DOK2: variants seen among roughly 807,000 people sequenced by gnomAD.
The protein encoded by DOK2 is docking protein 2, 56kD.
Under a neutral mutation model 26.0 loss-of-function variants are expected in DOK2, and 28 were observed. The ratio of observed to expected loss-of-function variants is 1.08; its 90% CI spans 0.80 to 1.48. The LOEUF (loss-of-function observed/expected upper bound fraction) is 1.48. Ranked by LOEUF, DOK2 falls within the 40% of genes most tolerant of loss-of-function variation. The pLI, the probability that DOK2 is intolerant of heterozygous loss-of-function variation, is 0.00. For missense variants in DOK2, 682 were observed against 558.2 expected (o/e 1.22, Z -2.23); for synonymous variants, 282 against 236.9 (o/e 1.19, Z -1.75).
chr8:21,912,220 G>GCGACTCA lies in DOK2; in HGVS notation c.345+2_345+8dup. On this transcript the variant is annotated intron_variant, in intron 2 of 4. Coordinates refer to ENST00000276420, the MANE Select transcript of DOK2 (RefSeq NM_003974.4). ...CCCCCTTGCCCTTTCCGCACCCCGC[G>GCGACTCA]CGACTCACGGGGAAGGCCAGGAGGC... 6.5e-7 allele frequency: 1 copy of GCGACTCA among 1,549,776 alleles called. No individual in the cohort carries two copies. Among genetic ancestry groups the GCGACTCA allele is most frequent in the Non-Finnish European group, 8.7e-7 (1 of 1,150,978 alleles).
In DOK2 at chr8:21,909,947, A is replaced by T. The variant is rs1198796744; in HGVS notation, c.619-16T>A. The stretch of plus-strand genomic sequence containing the variant: ...AAAAGGTTACCTGGACCAGGGAGAA[A>T]GCAGGTTATTGGCCAGGCCACAGGG... On this transcript the variant is annotated splice_polypyrimidine_tract_variant and intron_variant, in intron 4 of 4. Transcript: ENST00000276420. 1.9e-6 allele frequency: 3 copies of T among 1,599,538 alleles called. No individual in the cohort carries two copies. In the East Asian group the frequency reaches 6.7e-5, roughly 36 times the overall value.
chr8:21,913,462 G>A, intron 1 of DOK2, 77 bp downstream of exon 1: 1 of 1,571,426 alleles, frequency 6.4e-7, no homozygotes, highest in East Asian at 2.2e-5. Flanking sequence ...TTTTGAATAT[G>A]AAACTCCCTC....
chr8:21,912,579 G>A (rs1468670046), intron 1 of DOK2, 69 bp from the exon 2 acceptor site: 71 of 1,429,776 alleles, frequency 5.0e-5, no homozygotes, highest in Non-Finnish European at 5.3e-5. Flanking sequence ...GTGAGCCAAG[G>A]GGAGAAGAGG....
intron 2 of DOK2, 104 bp downstream of exon 2, chr8:21,912,124 AC>A: frequency 6.8e-7 from 1 of 1,465,136 alleles, no homozygotes; most frequent in South Asian, 1.4e-5. Flanking sequence ...TGGAGGAAGC[AC>A]CCCATCACCC....
chr8:21,911,855 T>TGGGGAGAGCCCCCA (rs1809856714), intron 3 of DOK2, 46 bp downstream of exon 3: 3 of 1,534,380 alleles, frequency 2.0e-6, no homozygotes, highest in Non-Finnish European at 2.6e-6. Context: ...CACCTCACCC[T>TGGGGAGAGCCCCCA]GGGGAGAGCC....
rs376180313 is a variant in DOK2 at position 21,909,710 on chromosome 8, C to T, written c.840G>A (p.Pro280=). 41 of 1,613,152 alleles carry T rather than the reference C, an allele frequency of 2.5e-5. No homozygotes were observed. In the African/African-American group the frequency reaches 4.0e-4, roughly 16 times the overall value. ...PYSRPHDSLP[P]PSPTTPVPAP... ...CAGGCACCGGTGTGGTGGGTGAAGGCGGCGGCAGTGAGTCATGCGGCCGAG... is the reference window on the plus strand; with the variant it reads ...CAGGCACCGGTGTGGTGGGTGAAGGTGGCGGCAGTGAGTCATGCGGCCGAG... Residue 280 remains proline (P), a synonymous_variant, in exon 5 of 5, where the codon CCG becomes CCA. Coordinates refer to ENST00000276420, the MANE Select transcript of DOK2 (RefSeq NM_003974.4).
intron 3 of DOK2, among the ~76,000 whole-genome samples, chr8:21,911,657 C>G (rs1299688766): frequency 6.6e-6 from 1 of 152,124 alleles, no homozygotes; most frequent in African/African-American, 2.4e-5. Flanking sequence ...GCCTTCCCCT[C>G]TCCCACCAGC....
Position 21,912,298 on chromosome 8 carries a change from CAG to C in DOK2, c.274_275del (p.Leu92ValfsTer45). 2 of 1,598,952 alleles carry C rather than the reference CAG, an allele frequency of 1.3e-6. No individual in the cohort carries two copies. The highest frequency in any genetic ancestry group is 1.7e-6 in the Non-Finnish European group (2 of 1,174,824). On this transcript the variant is annotated frameshift_variant, in exon 2 of 5. Coordinates refer to ENST00000276420, the MANE Select transcript of DOK2 (RefSeq NM_003974.4). LOFTEE classifies it high-confidence loss of function. ...CCGCTGCAGGGGCCGCCAGGAGGTA[CAG>C]GCGCTCCTTGGTCTCCAGGAAGAAG... ...SAFFLETKERLYLLAAPAAER... is the reference protein window; with the variant it reads ...SAFFLETKERXYLLAAPAAER...
Position 21,909,404 on chromosome 8 carries a change from C to A in DOK2, c.1146G>T (p.Gln382His). Residue 382 changes from glutamine (Q) to histidine (H), a missense_variant, in exon 5 of 5, where the codon CAG (glutamine) becomes CAT (histidine). Transcript: ENST00000276420. ...AATCCTGCCCGGCTGGCTGGACATGCTGGAGGCCAGCAGGGTCCCTGTCAG... is the reference window on the plus strand; with the variant it reads ...AATCCTGCCCGGCTGGCTGGACATGATGGAGGCCAGCAGGGTCCCTGTCAG... ...ATADRDPAGLQHVQPAGQDFS... is the reference protein window; with the variant it reads ...ATADRDPAGLHHVQPAGQDFS... The A allele has an allele frequency of 6.2e-7, 1 of 1,607,744 alleles. No individual in the cohort carries two copies. Among genetic ancestry groups the A allele is most frequent in the Admixed American group, 1.7e-5 (1 of 59,466 alleles).
rs912373172 is a variant in DOK2 at position 21,910,070 on chromosome 8, C to T, written c.619-139G>A. On this transcript the variant is annotated intron_variant, in intron 4 of 4. Transcript: ENST00000276420. ...AATCTCAGCTCACTGCAACCTCCGC[C>T]TCCCAGGTTCAAGCGATTCTCCTGC... 17 of 1,008,138 alleles carry T rather than the reference C, an allele frequency of 1.7e-5. No homozygotes were observed. The African/African-American group carries it at 2.4e-4, about 15-fold the overall frequency. The allele number at this position is 1,008,138 out of a possible 1,614,324, so 62.4% of individuals were successfully genotyped here.
At chr8:21,910,354 GCCT>G (rs771049473) in intron 4 of DOK2, among the ~76,000 whole-genome samples, 1 of 152,060 alleles carries the variant, frequency 6.6e-6, no homozygotes, top group Non-Finnish European at 1.5e-5. Flanking sequence ...AACTGCTGGA[GCCT>G]CCTCTGCCCT....
rs533626602 is a variant in DOK2, at chr8:21,910,871, G to C, written c.434-14C>G. The C allele has an allele frequency of 7.6e-4, 953 of 1,256,512 alleles. 10 individuals are homozygous for C. The South Asian group carries it at 8.8e-3, about 12-fold the overall frequency. 77.8% of individuals were successfully genotyped at this position (1,256,512 alleles called of 1,614,324 possible). A position where few individuals can be genotyped will look rare whatever the true frequency, so the allele number is the denominator to read the frequency against. On this transcript the variant is annotated splice_polypyrimidine_tract_variant and intron_variant, in intron 3 of 4. Transcript: ENST00000276420. ...TGTGGGGGCCGACTGGGGAGAAGAA[G>C]AGAGAGAAGGCGAAGGCAGTTAATG...
chr8:21,912,096 G>C (rs1809873046), intron 2 of DOK2, 108 bp from the exon 3 acceptor site: 1 of 1,471,018 alleles, frequency 6.8e-7, no homozygotes, highest in Non-Finnish European at 9.0e-7. Context: ...CTGCACACTG[G>C]GTTCGGGTCC....
At chr8:21,912,194 G>A (rs1050486455) in intron 2 of DOK2, 35 bp downstream of exon 2, 12 of 1,514,010 alleles carry the variant, frequency 7.9e-6, no homozygotes, top group African/African-American at 2.8e-5. Context: ...CGGCCTGCAC[G>A]CCCCCTTGCC....
Position 21,909,506 on chromosome 8 carries a change from G to T in DOK2, c.1044C>A (p.Pro348=). ...PPRPDHIYDE[P]EGVAALSLYD... Reference sequence around the variant, plus strand: ...AGAGGGACAGGGCAGCCACTCCCTCGGGCTCATCGTATATGTGGTCAGGTC... The same window carrying T: ...AGAGGGACAGGGCAGCCACTCCCTCTGGCTCATCGTATATGTGGTCAGGTC... The change falls in exon 5 of 5, where the codon CCC becomes CCA. Residue 348 remains proline (P), a synonymous_variant. Transcript: ENST00000276420. The T allele has an allele frequency of 6.2e-7, 1 of 1,614,118 alleles. No individual in the cohort carries two copies. Among genetic ancestry groups the T allele is most frequent in the Non-Finnish European group, 8.5e-7 (1 of 1,180,016 alleles).
chr8:21,909,743 G>T lies in DOK2; in HGVS notation c.807C>A (p.Ser269Arg), dbSNP rs1330604122. The change falls in exon 5 of 5, where the codon AGC becomes AGA. Residue 269 changes from serine to arginine, a missense_variant. By Grantham distance (110) the Ser-to-Arg change is moderately radical. Coordinates refer to ENST00000276420, the MANE Select transcript of DOK2 (RefSeq NM_003974.4). ...TIPASLPRPDSPYSRPHDSLP... is the reference protein window; with the variant it reads ...TIPASLPRPDRPYSRPHDSLP... ...GTGAGTCATGCGGCCGAGAGTAGGG[G>T]CTATCAGGCCGGGGCAGCGACGCGG... 1 of 1,613,724 alleles carries T rather than the reference G, an allele frequency of 6.2e-7. No homozygotes were observed. Among genetic ancestry groups the T allele is most frequent in the South Asian group, 1.1e-5 (1 of 91,076 alleles).
At position 21,909,740 on chromosome 8, in the gene DOK2, G is replaced by C. The variant is rs375653494; in HGVS notation, c.810C>G (p.Pro270=). The part of the protein sequence containing the change: ...IPASLPRPDS[P]YSRPHDSLPP... Reference sequence around the variant, plus strand: ...GCAGTGAGTCATGCGGCCGAGAGTAGGGGCTATCAGGCCGGGGCAGCGACG... The same window carrying C: ...GCAGTGAGTCATGCGGCCGAGAGTACGGGCTATCAGGCCGGGGCAGCGACG... The change falls in exon 5 of 5, where the codon CCC becomes CCG. Residue 270 remains proline, a synonymous_variant. Transcript: ENST00000276420. The C allele has an allele frequency of 3.7e-6, 6 of 1,613,618 alleles. No individual in the cohort carries two copies. The Admixed American group carries it at 6.7e-5, about 18-fold the overall frequency.
chr8:21,912,005 C>G lies in DOK2; in HGVS notation c.346-17G>C. On this transcript the variant is annotated splice_polypyrimidine_tract_variant and intron_variant, in intron 2 of 4. Coordinates refer to ENST00000276420, the MANE Select transcript of DOK2 (RefSeq NM_003974.4). ...CCTCTGCCCCTAGGGAGGAGGCGCCCCGTCTCATCACCTTCCCCGATCCCC... is the reference window on the plus strand; with the variant it reads ...CCTCTGCCCCTAGGGAGGAGGCGCCGCGTCTCATCACCTTCCCCGATCCCC... The G allele has an allele frequency of 4.5e-6, 7 of 1,545,398 alleles. No homozygotes were observed. The African/African-American group carries it at 5.5e-5, about 12-fold the overall frequency.
intron 1 of DOK2, 22 bp from the exon 2 acceptor site, chr8:21,912,532 CG>C: frequency 2.1e-6 from 3 of 1,443,258 alleles, no homozygotes; most frequent in Admixed American, 2.4e-5. Flanking sequence ...GCGTGGGAGG[CG>C]GGGGCGGGAG....
Sources: allele counts gnomAD v4.1 joint callset (sites outside exome capture counted in the v4.1 genomes callset), GRCh38; gene constraint gnomAD v4.1.1; transcripts MANE v1.5; gene names NCBI Gene and HGNC (gene_info 2026-07-23, HGNC 2026-07-21).